Variants in CFAP144 observed in about 807,000 individuals in gnomAD.
The protein encoded by CFAP144 is cilia and flagella associated protein 144, also known as cilia- and flagella-associated protein 144.
At chr1:43,150,902 T>C in the CFAP144 span, 2 of 1,162,834 alleles carry the variant, frequency 1.7e-6, no homozygotes, top group Non-Finnish European at 1.3e-6. Flanking sequence ...GGTCGTGATA[T>C]CTTGGAGCAA....
chr1:43,156,312 A>G, the CFAP144 span: 1 of 1,611,464 alleles, frequency 6.2e-7, no homozygotes, highest in Non-Finnish European at 8.5e-7. Context: ...CACCACAAGT[A>G]GCATCCCAGC....
the CFAP144 span, chr1:43,147,835 A>C: frequency 6.5e-7 from 1 of 1,536,264 alleles, no homozygotes; most frequent in Admixed American, 2.2e-5. Flanking sequence ...ACCGGGCAGC[A>C]CTACCCGAGC....
At chr1:43,143,383 C>CT in the CFAP144 span, among the ~76,000 whole-genome samples, 1 of 152,120 alleles carries the variant, frequency 6.6e-6, no homozygotes, top group Non-Finnish European at 1.5e-5. Context: ...AATCATGCAG[C>CT]TGAACTTCCA....
the CFAP144 span, among the ~76,000 whole-genome samples, chr1:43,149,390 A>T: frequency 6.6e-6 from 1 of 152,198 alleles, no homozygotes; most frequent in East Asian, 1.9e-4. Flanking sequence ...TGGATTTCCT[A>T]AATGCATCAT....
At chr1:43,150,344 C>A in the CFAP144 span, among the ~76,000 whole-genome samples, 1 of 152,172 alleles carries the variant, frequency 6.6e-6, no homozygotes, top group African/African-American at 2.4e-5. Flanking sequence ...GCCTGGCAAA[C>A]CTCTTTGGCC....
the CFAP144 span, chr1:43,150,666 G>A: frequency 3.7e-6 from 4 of 1,069,130 alleles, no homozygotes; most frequent in Non-Finnish European, 5.6e-6. Flanking sequence ...TACTCAGTGA[G>A]TGCCAAATGG....
chr1:43,151,318 T>A, the CFAP144 span, among the ~76,000 whole-genome samples: 1 of 152,170 alleles, frequency 6.6e-6, no homozygotes, highest in African/African-American at 2.4e-5. Flanking sequence ...GAAATATTAG[T>A]CCCATGATTA....
At chr1:43,154,021 T>C in the CFAP144 span, among the ~76,000 whole-genome samples, 1 of 146,078 alleles carries the variant, frequency 6.8e-6, no homozygotes, top group Non-Finnish European at 1.5e-5. Flanking sequence ...TTTCTCTAAC[T>C]TTTTTTTCTT....
the CFAP144 span, among the ~76,000 whole-genome samples, chr1:43,143,471 T>C: frequency 2.0e-5 from 3 of 152,032 alleles, no homozygotes; most frequent in African/African-American, 7.3e-5. Context: ...GTGATAAAAA[T>C]ACCAGAGAGA....
At chr1:43,145,995 A>C in the CFAP144 span, among the ~76,000 whole-genome samples, 2 of 152,242 alleles carry the variant, frequency 1.3e-5, no homozygotes, top group Admixed American at 1.3e-4. Flanking sequence ...TATCTCTTCA[A>C]TAATTTGCTG....
chr1:43,150,865 G>T, the CFAP144 span: 3 of 1,524,082 alleles, frequency 2.0e-6, no homozygotes, highest in Non-Finnish European at 2.7e-6. Context: ...AGCCCAGAGA[G>T]GCAGGCTGGC....
the CFAP144 span, among the ~76,000 whole-genome samples, chr1:43,144,764 G>T: frequency 6.6e-6 from 1 of 152,168 alleles, no homozygotes; most frequent in East Asian, 1.9e-4. Flanking sequence ...TTACACCCCT[G>T]CCTTTCCCCC....
the CFAP144 span, chr1:43,152,739 A>G: frequency 0.026 from 36,292 of 1,381,900 alleles, 1,140 homozygotes; most frequent in African/African-American, 0.14. Context: ...GCTCTGCCTG[A>G]AAGGAACAAT....
At chr1:43,153,176 A>G in the CFAP144 span, among the ~76,000 whole-genome samples, 1 of 152,218 alleles carries the variant, frequency 6.6e-6, no homozygotes, top group South Asian at 2.1e-4. Context: ...TACCTGGAAC[A>G]GTGCCTGGCA....
the CFAP144 span, chr1:43,150,839 A>G: frequency 6.3e-7 from 1 of 1,595,018 alleles, no homozygotes. Flanking sequence ...TGGGCTTTGA[A>G]ATGCCATTGA....
the CFAP144 span, among the ~76,000 whole-genome samples, chr1:43,146,484 AAGC>A: frequency 1.3e-5 from 2 of 152,346 alleles, no homozygotes; most frequent in South Asian, 4.1e-4. Flanking sequence ...GAAAATTAAG[AAGC>A]AATAATCATA....
chr1:43,142,988 A>G, the CFAP144 span, among the ~76,000 whole-genome samples: 1 of 152,100 alleles, frequency 6.6e-6, no homozygotes, highest in African/African-American at 2.4e-5. Flanking sequence ...TCTGGAGTGC[A>G]TGTGCAGGTT....
the CFAP144 span, chr1:43,147,864 C>G: frequency 6.4e-7 from 1 of 1,563,330 alleles, no homozygotes; most frequent in Non-Finnish European, 8.7e-7. Context: ...CTGGAGACCA[C>G]GGGACGCCGT....
chr1:43,149,692 C>T, the CFAP144 span, among the ~76,000 whole-genome samples: 3 of 152,142 alleles, frequency 2.0e-5, no homozygotes, highest in Non-Finnish European at 4.4e-5. Context: ...CAGCTCATGT[C>T]CCTTGAGCAT....
Sources: gnomAD v4.1 joint callset for allele counts (sites outside exome capture counted in the v4.1 genomes callset) on GRCh38, gnomAD v4.1.1 for gene constraint, MANE v1.5 for transcripts, NCBI Gene and HGNC (gene_info 2026-07-23, HGNC 2026-07-21) for gene names.